The following HIVEP3 variants were observed in gnomAD, a reference collection of about 807,000 sequenced individuals.
HIVEP3 encodes HIVEP zinc finger 3.
In HIVEP3, 49 loss-of-function variants were observed where a neutral mutation model predicts 152.8. The ratio of observed to expected loss-of-function variants is 0.32; its 90% confidence interval spans 0.26 to 0.41. The LOEUF (loss-of-function observed/expected upper bound fraction) is 0.41. HIVEP3 is among the 10% of genes least tolerant of loss of function. The probability of loss-of-function intolerance (pLI) is 1.00; values close to 1 mark genes in which losing one functional copy is unlikely to be tolerated. For synonymous variants in HIVEP3, 1,269 were observed against 1,289.0 expected, an observed-to-expected ratio of 0.98 and a Z score of 0.33; for missense variants, 2,790 against 3,103.3, an observed-to-expected ratio of 0.90 and a Z score of 2.40.
intron 1 of HIVEP3, among the ~76,000 whole-genome samples, chr1:41,925,177 A>T (rs995657912): frequency 2.0e-5 from 3 of 152,248 alleles, no homozygotes; most frequent in Non-Finnish European, 4.4e-5. Flanking sequence ...AGAATGTATG[A>T]CAGAGACTAT....
At chr1:41,675,121 CCT>C (rs1451605531) in intron 2 of HIVEP3, among the ~76,000 whole-genome samples, 3 of 152,138 alleles carry the variant, frequency 2.0e-5, no homozygotes, top group Non-Finnish European at 4.4e-5. Flanking sequence ...AATCCGTACC[CCT>C]GTGTGCCCCA....
chr1:41,809,377 C>A (rs1466976302), intron 1 of HIVEP3, among the ~76,000 whole-genome samples: 1 of 152,220 alleles, frequency 6.6e-6, no homozygotes, highest in Non-Finnish European at 1.5e-5. Flanking sequence ...ACACGGTCTT[C>A]ATGCCATCAC....
At chr1:41,874,690 T>G (rs1644138609) in intron 1 of HIVEP3, among the ~76,000 whole-genome samples, 1 of 152,132 alleles carries the variant, frequency 6.6e-6, no homozygotes, top group Admixed American at 6.5e-5. Context: ...TCAATAGGAT[T>G]CTATTAGAAA....
chr1:41,699,005 C>T (rs908327211), intron 2 of HIVEP3, among the ~76,000 whole-genome samples: 6 of 152,288 alleles, frequency 3.9e-5, no homozygotes, highest in Admixed American at 1.3e-4. Flanking sequence ...AAGTCAAGCC[C>T]GCTGGCCTGA....
At chr1:41,732,660 T>A (rs1037913061) in intron 1 of HIVEP3, among the ~76,000 whole-genome samples, 1 of 152,138 alleles carries the variant, frequency 6.6e-6, no homozygotes, top group African/African-American at 2.4e-5. Context: ...ATGCTCTTGC[T>A]GGGCTCTGTG....
At chr1:41,877,743 G>T (rs72963276) in intron 1 of HIVEP3, among the ~76,000 whole-genome samples, 1 of 152,022 alleles carries the variant, frequency 6.6e-6, no homozygotes, top group African/African-American at 2.4e-5. Flanking sequence ...TATTTATAAG[G>T]CTAAGAATAA....
chr1:41,684,698 T>C (rs1187858491), intron 2 of HIVEP3, among the ~76,000 whole-genome samples: 1 of 152,244 alleles, frequency 6.6e-6, no homozygotes, highest in Non-Finnish European at 1.5e-5. Flanking sequence ...ATCTACTTTG[T>C]AGGTTGCTTG....
At chr1:41,852,900 T>G (rs1275319706) in intron 1 of HIVEP3, among the ~76,000 whole-genome samples, 1 of 152,224 alleles carries the variant, frequency 6.6e-6, no homozygotes, top group Non-Finnish European at 1.5e-5. Context: ...AGCACAGATT[T>G]CACGCAGAAC....
chr1:41,930,480 G>A (rs574025419), intron 1 of HIVEP3, among the ~76,000 whole-genome samples: 2 of 152,246 alleles, frequency 1.3e-5, no homozygotes, highest in East Asian at 3.9e-4. Flanking sequence ...GATGAATAGT[G>A]TTCCATTTTA....
chr1:41,868,613 C>T (rs761948107), intron 1 of HIVEP3, among the ~76,000 whole-genome samples: 4 of 152,294 alleles, frequency 2.6e-5, no homozygotes, highest in Non-Finnish European at 4.4e-5. Flanking sequence ...AAACAACAAA[C>T]GATTGCTTTA....
chr1:41,835,380 G>A (rs988595981), intron 1 of HIVEP3, among the ~76,000 whole-genome samples: 13 of 152,136 alleles, frequency 8.5e-5, no homozygotes, highest in African/African-American at 2.2e-4. Flanking sequence ...CCTTTCCTCC[G>A]TAAGGGCATG....
intron 1 of HIVEP3, among the ~76,000 whole-genome samples, chr1:41,788,196 A>G (rs931793008): frequency 6.6e-6 from 1 of 152,150 alleles, no homozygotes; most frequent in Non-Finnish European, 1.5e-5. Context: ...ACAGGAGCGC[A>G]GCGTCTCCCA....
intron 1 of HIVEP3, among the ~76,000 whole-genome samples, chr1:41,727,356 C>A (rs1004082970): frequency 6.6e-5 from 10 of 152,182 alleles, no homozygotes; most frequent in African/African-American, 2.4e-4. Context: ...GGGAGGCAGC[C>A]CCTTCCTGTG....
At chr1:42,000,682 C>A (rs530072993) in intron 1 of HIVEP3, among the ~76,000 whole-genome samples, 4 of 152,302 alleles carry the variant, frequency 2.6e-5, no homozygotes, top group Admixed American at 2.6e-4. Context: ...CTGCAATATA[C>A]AATGATGAGA....
rs932395986 is a variant in HIVEP3, at chr1:41,727,605, C to T, written c.-800-26610G>A. 3.3e-5 allele frequency among the ~76,000 whole-genome samples: 5 copies of T among 152,254 alleles called. 1 individual carries two copies. In the East Asian group the frequency reaches 7.7e-4, roughly 23 times the overall value. ...AAGTGGCTGAGGGGCGCGGCGCCGC[C>T]GGAGGAATCCCCCGCAGACCGGTGT... On this transcript the variant is annotated intron_variant, in intron 1 of 8. Coordinates refer to ENST00000372583, the MANE Select transcript of HIVEP3 (RefSeq NM_024503.5).
At chr1:41,992,363 C>T (rs549950288) in intron 1 of HIVEP3, among the ~76,000 whole-genome samples, 2,138 of 145,404 alleles carry the variant, frequency 0.015, 54 homozygotes, top group African/African-American at 0.055. Context: ...AACAGACAAA[C>T]AGAGAGCCAA....
At chr1:41,672,468 C>A (rs1371992911) in intron 2 of HIVEP3, among the ~76,000 whole-genome samples, 1 of 152,238 alleles carries the variant, frequency 6.6e-6, no homozygotes, top group East Asian at 1.9e-4. Flanking sequence ...TCTGCAGTCC[C>A]ACGTGCCTCT....
At chr1:41,976,298 A>G (rs900732948) in intron 1 of HIVEP3, among the ~76,000 whole-genome samples, 1 of 152,100 alleles carries the variant, frequency 6.6e-6, no homozygotes, top group Admixed American at 6.5e-5. Context: ...TTCTCCTGAG[A>G]CGGAGTACTT....
chr1:41,955,465 G>C (rs1645135452), intron 1 of HIVEP3, among the ~76,000 whole-genome samples: 1 of 152,040 alleles, frequency 6.6e-6, no homozygotes, highest in African/African-American at 2.4e-5. Context: ...ACTTTCACCA[G>C]AATTGCAAAC....
Sources: allele counts gnomAD v4.1 joint callset (sites outside exome capture counted in the v4.1 genomes callset), GRCh38; gene constraint gnomAD v4.1.1; transcripts MANE v1.5; gene names NCBI Gene and HGNC (gene_info 2026-07-23, HGNC 2026-07-21).